TENM1: variants seen among roughly 807,000 people sequenced by gnomAD.
TENM1 encodes the protein teneurin transmembrane protein 1.
A neutral mutation model predicts 174.8 loss-of-function variants in TENM1; 35 were observed. The observed-to-expected ratio is 0.20, with a 90% confidence interval of 0.15 to 0.27. The LOEUF (loss-of-function observed/expected upper bound fraction) is 0.27, where lower values mean the gene tolerates loss of function less well. Among genes scored for constraint, TENM1 ranks in the 10% least tolerant of loss-of-function variants. TENM1 has a pLI of 1.00. For missense variants in TENM1, 1,633 were observed against 2,130.1 expected (o/e 0.77, Z 4.59); for synonymous variants, 781 against 798.7 (o/e 0.98, Z 0.37).
At chrX:125,027,056 A>C in the TENM1 span, among the ~76,000 whole-genome samples, 66 of 112,067 alleles carry the variant, frequency 5.9e-4, no homozygotes, top group Non-Finnish European at 9.6e-4. Flanking sequence ...ATTTTAATGA[A>C]GGTCCAAGAC....
the TENM1 span, among the ~76,000 whole-genome samples, chrX:125,050,153 TTTATTA>T: frequency 9.3e-6 from 1 of 107,386 alleles, no homozygotes; most frequent in Non-Finnish European, 1.9e-5. Context: ...ATAGAATCTT[TTTATTA>T]TTATTATTAT....
intron 3 of TENM1, among the ~76,000 whole-genome samples, chrX:124,844,551 A>G (rs1376362586): frequency 9.0e-6 from 1 of 111,080 alleles, no homozygotes; most frequent in Non-Finnish European, 1.9e-5. Flanking sequence ...TTTTTGTGCT[A>G]TGTTTTGAGT....
the TENM1 span, among the ~76,000 whole-genome samples, chrX:125,188,539 G>C: frequency 1.8e-5 from 2 of 111,330 alleles, no homozygotes; most frequent in African/African-American, 6.5e-5. Flanking sequence ...TTTTATATTT[G>C]AGGAAAAATC....
In TENM1 at chrX:124,578,985, C is replaced by T. The variant is rs757224623; in HGVS notation, c.2078-13425G>A. ...TTTCACCAATTAGATTTATTTGTGT[C>T]CTTTAATTCTGCCAAAAATTATCAT... On this transcript the variant is annotated intron_variant, in intron 11 of 31. Coordinates refer to ENST00000422452, the Ensembl canonical transcript of TENM1. Among the ~76,000 whole-genome samples, 8 of 112,102 alleles carry T rather than the reference C, an allele frequency of 7.1e-5. 1 individual carries two copies. The East Asian group carries it at 2.2e-3, about 31-fold the overall frequency.
chrX:124,586,162 A>T (rs1321207114), intron 11 of TENM1, among the ~76,000 whole-genome samples: 1 of 110,717 alleles, frequency 9.0e-6, no homozygotes, highest in Non-Finnish European at 1.9e-5. Context: ...ATAGAAAAAG[A>T]GGGAATCCTC....
chrX:124,705,340 T>C, intron 4 of TENM1, 89 bp from the exon 8 acceptor site: 2 of 679,922 alleles, frequency 2.9e-6, no homozygotes, highest in Non-Finnish European at 4.5e-6. Context: ...ACAATCATGC[T>C]ATAGCCAAGC....
chrX:124,647,639 T>C (rs945625724), intron 8 of TENM1, among the ~76,000 whole-genome samples: 4 of 111,814 alleles, frequency 3.6e-5, no homozygotes, highest in African/African-American at 1.3e-4. Flanking sequence ...TGTTTGTATT[T>C]TAAAATTGTG....
At chrX:124,475,112 C>G (rs1404532185) in intron 22 of TENM1, among the ~76,000 whole-genome samples, 1 of 110,826 alleles carries the variant, frequency 9.0e-6, no homozygotes, top group Non-Finnish European at 1.9e-5. Flanking sequence ...GTAAGTGCCT[C>G]TCCTAAACCT....
chrX:124,645,426 C>CA (rs776694465), intron 9 of TENM1, 89 bp from the exon 13 acceptor site: 6 of 880,753 alleles, frequency 6.8e-6, no homozygotes, highest in Non-Finnish European at 9.5e-6. Context: ...GTATTTCAGG[C>CA]AAAAAATTGT....
At chrX:125,126,902 G>A in the TENM1 span, among the ~76,000 whole-genome samples, 1 of 111,449 alleles carries the variant, frequency 9.0e-6, no homozygotes, top group East Asian at 2.8e-4. Flanking sequence ...CTCTAATTCA[G>A]TTCTACACGT....
chrX:124,389,850 C>G (rs1476703768), intron 28 of TENM1, among the ~76,000 whole-genome samples: 3 of 112,056 alleles, frequency 2.7e-5, no homozygotes, highest in Non-Finnish European at 5.6e-5. Flanking sequence ...AGTAAAGAAT[C>G]GTTCCATAAT....
the TENM1 span, among the ~76,000 whole-genome samples, chrX:125,087,084 T>A: frequency 1.8e-5 from 2 of 110,995 alleles, no homozygotes; most frequent in Non-Finnish European, 3.8e-5. Context: ...AATACTGTAA[T>A]ACATGAGCAT....
chrX:125,188,644 T>A, the TENM1 span, among the ~76,000 whole-genome samples: 1 of 111,966 alleles, frequency 8.9e-6, no homozygotes, highest in East Asian at 2.8e-4. Flanking sequence ...TTCAGTAACA[T>A]CATTGTCACC....
At chrX:124,978,400 G>A in the TENM1 span, among the ~76,000 whole-genome samples, 1 of 111,887 alleles carries the variant, frequency 8.9e-6, no homozygotes, top group Non-Finnish European at 1.9e-5. Context: ...ATACTCTTCT[G>A]TTTATTTGCA....
chrX:124,635,279 A>T (rs982321323), intron 11 of TENM1, among the ~76,000 whole-genome samples: 1 of 112,272 alleles, frequency 8.9e-6, no homozygotes, highest in African/African-American at 3.2e-5. Context: ...ATGCACACCC[A>T]CACATATACT....
chrX:124,790,861 C>T (rs1795707265), intron 3 of TENM1, among the ~76,000 whole-genome samples: 1 of 110,060 alleles, frequency 9.1e-6, no homozygotes, highest in Non-Finnish European at 1.9e-5. Flanking sequence ...ATATTGACAG[C>T]CAAAGACCAA....
intron 3 of TENM1, among the ~76,000 whole-genome samples, chrX:124,853,270 T>C (rs755551975): frequency 1.8e-5 from 2 of 111,274 alleles, no homozygotes; most frequent in South Asian, 7.5e-4. Context: ...AATGTGATCA[T>C]GGAAGGCCTC....
At chrX:125,068,686 C>T in the TENM1 span, among the ~76,000 whole-genome samples, 1 of 111,235 alleles carries the variant, frequency 9.0e-6, no homozygotes, top group East Asian at 2.9e-4. Context: ...GACTTGTTTT[C>T]AGAGAGAAGA....
chrX:124,515,588 T>C lies in TENM1; in HGVS notation c.3301+4929A>G, dbSNP rs5958510. On this transcript the variant is annotated intron_variant, in intron 18 of 31. Coordinates refer to ENST00000422452, the Ensembl canonical transcript of TENM1. ...AAGCCAAATCAGGAACACACTTCCA[T>C]TCACAATATTCACAAGAAGAATAAA... is the stretch of plus-strand genomic sequence containing the variant. Among the ~76,000 whole-genome samples, 325 of 110,846 alleles carry C rather than the reference T, an allele frequency of 2.9e-3. 2 individuals carry two copies. The highest frequency in any genetic ancestry group is 0.01 in the African/African-American group (308 of 30,481).
Sources: gnomAD v4.1 joint callset for allele counts (sites outside exome capture counted in the v4.1 genomes callset) on GRCh38, gnomAD v4.1.1 for gene constraint, MANE v1.5 for transcripts, NCBI Gene and HGNC (gene_info 2026-07-23, HGNC 2026-07-21) for gene names.